The following IGSF9B variants were observed in gnomAD, a reference collection of about 807,000 sequenced individuals.
IGSF9B encodes immunoglobulin superfamily member 9B, also known as protein turtle homolog B.
IGSF9B carries 48 observed loss-of-function variants against 143.7 expected under a neutral mutation model. That is an observed-to-expected ratio of 0.33 (90% CI 0.26 to 0.42). IGSF9B has a LOEUF of 0.42. Ranked by LOEUF, IGSF9B falls within the 20% of genes least tolerant of loss-of-function variation. IGSF9B has a pLI of 1.00. For missense variants in IGSF9B, 1,706 were observed against 1,980.0 expected, an observed-to-expected ratio of 0.86 and a Z score of 2.63; for synonymous variants, 903 against 833.1, an observed-to-expected ratio of 1.08 and a Z score of -1.44.
chr11:133,940,168 T>C, intron 3 of IGSF9B, among the ~76,000 whole-genome samples: 1 of 101,840 alleles, frequency 9.8e-6, no homozygotes, highest in Admixed American at 1.2e-4. Context: ...ACCTCGCACG[T>C]CCTCGCACGC....
At chr11:133,912,847 T>G (rs781697329) in intron 18 of IGSF9B, among the ~76,000 whole-genome samples, 2 of 152,280 alleles carry the variant, frequency 1.3e-5, no homozygotes, top group Non-Finnish European at 2.9e-5. Context: ...TGATTGTCAC[T>G]TGCCTGGTGG....
In IGSF9B at chr11:133,951,800, C is replaced by T. The variant is rs569177266; in HGVS notation, c.64+4891G>A. The stretch of plus-strand genomic sequence containing the variant: ...ACTGAGGGCACCGTGGGCTCGGCCC[C>T]CAGGAGGCTGGGCTCCGTGGTAAGA... On this transcript the variant is annotated intron_variant, in intron 1 of 19. Coordinates refer to ENST00000533871, the MANE Select transcript of IGSF9B (RefSeq NM_001277285.4). 4 of 184,986 alleles carry T rather than the reference C, an allele frequency of 2.2e-5. No individual in the cohort carries two copies. In the South Asian group the frequency reaches 3.4e-4, roughly 16 times the overall value. The allele number at this position is 184,986 out of a possible 1,614,324, so 11.5% of individuals were successfully genotyped here.
chr11:133,923,472 C>G (rs1330223599), intron 15 of IGSF9B, among the ~76,000 whole-genome samples: 1 of 152,164 alleles, frequency 6.6e-6, no homozygotes, highest in African/African-American at 2.4e-5. Context: ...CCTTTCCTGC[C>G]CAAGTCTACA....
intron 1 of IGSF9B, among the ~76,000 whole-genome samples, chr11:133,954,331 A>T (rs1179333335): frequency 6.6e-6 from 1 of 152,118 alleles, no homozygotes; most frequent in East Asian, 1.9e-4. Context: ...AGGCCCGCAC[A>T]TCCTGCACAC....
In IGSF9B at chr11:133,920,175, CCTGCCGAGGGCTAGGCCGGGGCCGGGG is replaced by C. The variant is rs746528857; in HGVS notation, c.3523_3549del (p.Pro1175_Gln1183del). 6.0e-6 allele frequency: 9 copies of C among 1,510,722 alleles called. No individual in the cohort carries two copies. The African/African-American group carries it at 9.8e-5, about 16-fold the overall frequency. The allele number at this position is 1,510,722 out of a possible 1,614,324, so 93.6% of individuals were successfully genotyped here. A position where few individuals can be genotyped will look rare whatever the true frequency, so the allele number is the denominator to read the frequency against. ...TGTAAACTGGGCTCGGCGCGCCTGG[CCTGCCGAGGGCTAGGCCGGGGCCGGGG>C]CTGGGGCTCATACCACCGGGTGTCC... is the stretch of plus-strand genomic sequence containing the variant. On this transcript the variant is annotated inframe_deletion, in exon 18 of 20. Coordinates refer to ENST00000533871, the MANE Select transcript of IGSF9B (RefSeq NM_001277285.4).
chr11:133,915,027 T>C (rs1335888396), intron 18 of IGSF9B, among the ~76,000 whole-genome samples: 3 of 152,140 alleles, frequency 2.0e-5, no homozygotes, highest in South Asian at 2.1e-4. Context: ...GCTTGATCCA[T>C]AGATGATGCC....
Position 133,907,296 on chromosome 11 carries a change from G to A in IGSF9B, c.*1773C>T, listed in dbSNP as rs190224337. 3.5e-4 allele frequency among the ~76,000 whole-genome samples: 54 copies of A among 152,324 alleles called. No homozygotes were observed. The highest frequency in any genetic ancestry group is 6.8e-3 in the Middle Eastern group (2 of 294). ...GAAGTCCATCCCCTAAGATGGAAAC[G>A]CCAAGAAGAGACAGCAGCCATCCAA... On this transcript the variant is annotated 3_prime_UTR_variant, in exon 20 of 20. Transcript: ENST00000533871.
intron 17 of IGSF9B, among the ~76,000 whole-genome samples, chr11:133,921,737 C>G (rs1490490661): frequency 1.3e-5 from 2 of 152,142 alleles, no homozygotes; most frequent in African/African-American, 4.8e-5. Context: ...GAACACCCGC[C>G]TCTTCACTTT....
At chr11:133,912,158 G>A (rs1034599915) in intron 18 of IGSF9B, 151 bp from the exon 19 acceptor site, 14 of 886,134 alleles carry the variant, frequency 1.6e-5, no homozygotes, top group African/African-American at 6.7e-5. Context: ...CATGACACCC[G>A]CCTTTCTATT....
In IGSF9B at chr11:133,922,742, G is replaced by C; in HGVS notation, c.2120-12C>G. The C allele has an allele frequency of 6.4e-7, 1 of 1,552,010 alleles. No homozygotes were observed. Among genetic ancestry groups the C allele is most frequent in the Non-Finnish European group, 8.7e-7 (1 of 1,151,718 alleles). ...CTGCGGGAAGATGTCTGCAGGGAGG[G>C]TGGGGAGCACTCATGAGCCCATCCT... is the stretch of plus-strand genomic sequence containing the variant. On this transcript the variant is annotated splice_polypyrimidine_tract_variant and intron_variant, in intron 15 of 19. Transcript: ENST00000533871.
Position 133,920,183 on chromosome 11 carries a change from G to A in IGSF9B, c.3542C>T (p.Pro1181Leu), listed in dbSNP as rs1473994291. 6.6e-7 allele frequency: 1 copy of A among 1,510,426 alleles called. No homozygotes were observed. Among genetic ancestry groups the A allele is most frequent in the South Asian group, 1.3e-5 (1 of 74,446 alleles). The allele number at this position is 1,510,426 out of a possible 1,614,324, so 93.6% of individuals were successfully genotyped here. The part of the protein sequence containing the change: ...YEPQPRPRPS[P>L]RQARRAEPSL... ...GGGCTCGGCGCGCCTGGCCTGCCGA[G>A]GGCTAGGCCGGGGCCGGGGCTGGGG... The change falls in exon 18 of 20, where the codon CCT (proline) becomes CTT (leucine). Residue 1181 changes from proline (P) to leucine (L), a missense_variant. Transcript: ENST00000533871.
rs111837422 is a variant in IGSF9B at position 133,909,969 on chromosome 11, C to T, written c.4106-692G>A. On this transcript the variant is annotated intron_variant, in intron 19 of 19. Coordinates refer to ENST00000533871, the MANE Select transcript of IGSF9B (RefSeq NM_001277285.4). The surrounding 1 kb of genome is among the most constrained non-coding windows in gnomAD (Gnocchi z 4.2). ...TTGAATTGCATCTTAAATTATGAGC[C>T]TTCCACAGATCTGAAGAAAAATTAT... Among the ~76,000 whole-genome samples, 10 of 152,240 alleles carry T rather than the reference C, an allele frequency of 6.6e-5. No homozygotes were observed. Among genetic ancestry groups the T allele is most frequent in the Admixed American group, 1.3e-4 (2 of 15,290 alleles).
Position 133,901,873 on chromosome 11 carries a change from GCACCACACACA to G in IGSF9B, c.*7185_*7195del, listed in dbSNP as rs1392999491. ...CACGCACCACACACGCACCACACAC[GCACCACACACA>G]CACACAACACACACACAACACACCA... On this transcript the variant is annotated 3_prime_UTR_variant, in exon 20 of 20. Transcript: ENST00000533871. Among the ~76,000 whole-genome samples the G allele has an allele frequency of 5.6e-5, 5 of 89,044 alleles. No individual in the cohort carries two copies. The highest frequency in any genetic ancestry group is 1.8e-4 in the African/African-American group (4 of 22,236). The allele number at this position is 89,044 out of a possible 152,430, so 58.4% of individuals were successfully genotyped here.
At chr11:133,935,006 C>T (rs571300548) in intron 7 of IGSF9B, among the ~76,000 whole-genome samples, 3 of 152,216 alleles carry the variant, frequency 2.0e-5, no homozygotes, top group Non-Finnish European at 2.9e-5. Context: ...AAGCAACTGG[C>T]GGCTCAGTAT....
rs1939747078 is a variant in IGSF9B, at chr11:133,932,290, CAG to C, written c.968-79_968-78del. The C allele has an allele frequency of 5.5e-6, 8 of 1,448,250 alleles. No individual in the cohort carries two copies. The Admixed American group carries it at 1.4e-4, about 26-fold the overall frequency. 89.7% of individuals were successfully genotyped at this position (1,448,250 alleles called of 1,614,324 possible). The stretch of plus-strand genomic sequence containing the variant: ...ACAGACAGACACAGGGACAGACAGA[CAG>C]ACACAGGGACAGACAGACACAGGGA... On this transcript the variant is annotated intron_variant, in intron 7 of 19. Transcript: ENST00000533871.
intron 3 of IGSF9B, among the ~76,000 whole-genome samples, chr11:133,938,812 A>G (rs1218748068): frequency 6.6e-6 from 1 of 152,184 alleles, no homozygotes; most frequent in Non-Finnish European, 1.5e-5. Flanking sequence ...ACCCAAGTTC[A>G]AGCACTAGCC....
chr11:133,932,085 G>A lies in IGSF9B; in HGVS notation c.1096C>T (p.Leu366=), dbSNP rs1939741924. Residue 366 remains leucine, a synonymous_variant, in exon 8 of 20, where the codon CTG becomes TTG. Transcript: ENST00000533871. ...CTCTCTAGCACCTTCTCAACCTGCA[G>A]GGGACGGCCGTCCTTGTTCCACTTG... ...VVKWNKDGRP[L]QVEKNLGWTL... 6.2e-7 allele frequency: 1 copy of A among 1,613,314 alleles called. No homozygotes were observed. Among genetic ancestry groups the A allele is most frequent in the Non-Finnish European group, 8.5e-7 (1 of 1,179,422 alleles).
intron 18 of IGSF9B, among the ~76,000 whole-genome samples, chr11:133,917,707 G>A (rs1939414733): frequency 6.6e-6 from 1 of 152,108 alleles, no homozygotes; most frequent in Non-Finnish European, 1.5e-5. Flanking sequence ...GGAAGAAGTG[G>A]GGCTCATCCC....
Position 133,934,257 on chromosome 11 carries a change from TTCCAAA to T in IGSF9B, c.967+1354_967+1359del, listed in dbSNP as rs571726869. Among the ~76,000 whole-genome samples, 97 of 152,310 alleles carry T rather than the reference TTCCAAA, an allele frequency of 6.4e-4. 1 individual carries two copies. In the East Asian group the frequency reaches 0.018, roughly 29 times the overall value. On this transcript the variant is annotated intron_variant, in intron 7 of 19. Coordinates refer to ENST00000533871, the MANE Select transcript of IGSF9B (RefSeq NM_001277285.4). ...GGGCCTTCATCCTGGCCAGCTCGTCTTCCAAAGGCCACCTCCTGTTGGCTCCTCCTG... is the reference window on the plus strand; with the variant it reads ...GGGCCTTCATCCTGGCCAGCTCGTCTGGCCACCTCCTGTTGGCTCCTCCTG...
Sources: gnomAD v4.1 joint callset for allele counts (sites outside exome capture counted in the v4.1 genomes callset) on GRCh38, gnomAD v4.1.1 for gene constraint, Gnocchi (gnomAD v3.1) non-coding constraint, MANE v1.5 for transcripts, NCBI Gene and HGNC (gene_info 2026-07-23, HGNC 2026-07-21) for gene names.